IGBP1C: variants seen among roughly 807,000 people sequenced by gnomAD.
The protein encoded by IGBP1C is IGBP1 family member C.
the IGBP1C span, among the ~76,000 whole-genome samples, chr17:58,662,413 TCTCACACACA>T: frequency 1.9e-3 from 241 of 127,674 alleles, no homozygotes; most frequent in Middle Eastern, 3.8e-3. Context: ...AGCACACATA[TCTCACACACA>T]CACACACACA....
the IGBP1C span, among the ~76,000 whole-genome samples, chr17:58,662,795 T>G: frequency 1.3e-5 from 2 of 152,156 alleles, no homozygotes; most frequent in Non-Finnish European, 2.9e-5. Context: ...TTTTGTTACA[T>G]AAGTTCACAA....
the IGBP1C span, among the ~76,000 whole-genome samples, chr17:58,662,285 C>T: frequency 8.6e-5 from 13 of 151,834 alleles, no homozygotes; most frequent in Non-Finnish European, 1.8e-4. Context: ...CCCATCTCTA[C>T]TAGAAATACA....
At chr17:58,676,327 G>A in the IGBP1C span, among the ~76,000 whole-genome samples, 1 of 151,726 alleles carries the variant, frequency 6.6e-6, no homozygotes, top group Non-Finnish European at 1.5e-5. Context: ...AGTAAGCCAA[G>A]ATCACAGCAT....
chr17:58,682,317 GTGCCATCTCAGCTCAC>G, the IGBP1C span, among the ~76,000 whole-genome samples: 1 of 151,608 alleles, frequency 6.6e-6, no homozygotes, highest in South Asian at 2.1e-4. Flanking sequence ...GAGTGCAGTG[GTGCCATCTCAGCTCAC>G]TGCCACATCT....
At chr17:58,691,299 T>G in the IGBP1C span, among the ~76,000 whole-genome samples, 2 of 152,160 alleles carry the variant, frequency 1.3e-5, no homozygotes, top group Non-Finnish European at 2.9e-5. Flanking sequence ...TTTTTAGATC[T>G]AAGTATGTAG....
the IGBP1C span, chr17:58,679,425 G>A: frequency 2.1e-5 from 3 of 142,758 alleles, no homozygotes; most frequent in South Asian, 2.1e-4. Context: ...ACCATTAGAA[G>A]GCATCAATCT....
At chr17:58,674,867 G>A in the IGBP1C span, among the ~76,000 whole-genome samples, 7 of 150,022 alleles carry the variant, frequency 4.7e-5, no homozygotes, top group African/African-American at 1.5e-4. Context: ...CAGGTAGGCC[G>A]GGCACGGTGG....
chr17:58,681,488 A>G, the IGBP1C span, among the ~76,000 whole-genome samples: 1 of 152,102 alleles, frequency 6.6e-6, no homozygotes, highest in South Asian at 2.1e-4. Flanking sequence ...ATATACATAC[A>G]CACATATGTA....
the IGBP1C span, chr17:58,675,182 G>T: frequency 3.3e-5 from 5 of 151,400 alleles, no homozygotes; most frequent in African/African-American, 1.2e-4. Flanking sequence ...ATAAGCACAC[G>T]AAAATATGTT....
At chr17:58,690,001 C>G in the IGBP1C span, among the ~76,000 whole-genome samples, 1 of 151,980 alleles carries the variant, frequency 6.6e-6, no homozygotes, top group African/African-American at 2.4e-5. Context: ...AGGCGCCCAC[C>G]ACCGCACCCA....
the IGBP1C span, among the ~76,000 whole-genome samples, chr17:58,689,975 G>A: frequency 4.8e-5 from 7 of 146,118 alleles, no homozygotes; most frequent in South Asian, 2.2e-4. Flanking sequence ...TCAGCCTCCC[G>A]AGTAGCTGGG....
chr17:58,660,542 T>C, the IGBP1C span: 8 of 764,828 alleles, frequency 1.0e-5, no homozygotes, highest in Non-Finnish European at 1.9e-5. Flanking sequence ...GCGGGGAAGG[T>C]GTGCACCCTG....
the IGBP1C span, among the ~76,000 whole-genome samples, chr17:58,686,689 T>G: frequency 6.6e-6 from 1 of 152,042 alleles, no homozygotes; most frequent in Non-Finnish European, 1.5e-5. Flanking sequence ...GCTTCTATTA[T>G]GTATAAGGTC....
At chr17:58,666,953 G>A in the IGBP1C span, among the ~76,000 whole-genome samples, 2 of 152,110 alleles carry the variant, frequency 1.3e-5, no homozygotes, top group African/African-American at 2.4e-5. Context: ...GTCAGAGAGC[G>A]CAACTGCGTT....
At chr17:58,689,658 AT>A in the IGBP1C span, among the ~76,000 whole-genome samples, 4 of 152,108 alleles carry the variant, frequency 2.6e-5, no homozygotes, top group East Asian at 5.8e-4. Context: ...TCCCTGAAAG[AT>A]TTTTTTTGAG....
the IGBP1C span, among the ~76,000 whole-genome samples, chr17:58,663,836 C>A: frequency 1.3e-5 from 2 of 152,264 alleles, no homozygotes; most frequent in East Asian, 1.9e-4. Context: ...ACACACTGGC[C>A]CTGAAGCTGC....
At chr17:58,673,709 G>A in the IGBP1C span, among the ~76,000 whole-genome samples, 1 of 151,766 alleles carries the variant, frequency 6.6e-6, no homozygotes, top group Admixed American at 6.6e-5. Flanking sequence ...CCACAGGCAT[G>A]CACCACCATG....
the IGBP1C span, chr17:58,692,035 G>C: frequency 6.5e-6 from 1 of 153,944 alleles, no homozygotes; most frequent in East Asian, 1.9e-4. Context: ...ACGTGGGTGG[G>C]TGCGGGGAAT....
the IGBP1C span, chr17:58,661,865 GGC>G: frequency 5.4e-6 from 2 of 372,202 alleles, no homozygotes; most frequent in Non-Finnish European, 9.6e-6. Flanking sequence ...CTGCCTTCCT[GGC>G]TCACAAGATT....
Sources: gnomAD v4.1 joint callset for allele counts (sites outside exome capture counted in the v4.1 genomes callset) on GRCh38, gnomAD v4.1.1 for gene constraint, MANE v1.5 for transcripts, NCBI Gene and HGNC (gene_info 2026-07-23, HGNC 2026-07-21) for gene names.